PPP2R2B: variants seen among roughly 807,000 people sequenced by gnomAD.
The protein encoded by PPP2R2B is protein phosphatase 2 regulatory subunit Bbeta.
A neutral mutation model predicts 46.0 loss-of-function variants in PPP2R2B; 5 were observed. The observed-to-expected ratio is 0.11, with a 90% CI of 0.06 to 0.23. The LOEUF (loss-of-function observed/expected upper bound fraction) is 0.23. Among genes scored for constraint, PPP2R2B ranks in the 10% least tolerant of loss-of-function variants. The pLI is 1.00. For missense variants in PPP2R2B, 367 were observed against 575.0 expected (o/e 0.64, Z 3.70); for synonymous variants, 215 against 206.7 (o/e 1.04, Z -0.34).
At chr5:147,025,446 C>T (rs552014186) in intron 1 of PPP2R2B, among the ~76,000 whole-genome samples, 88 of 151,376 alleles carry the variant, frequency 5.8e-4, no homozygotes, top group African/African-American at 2.0e-3. Flanking sequence ...GCTAAAGTCA[C>T]GCGAAGACAT....
At chr5:147,052,635 T>TTATC (rs1288656872) in intron 1 of PPP2R2B, among the ~76,000 whole-genome samples, 1 of 152,152 alleles carries the variant, frequency 6.6e-6, no homozygotes, top group African/African-American at 2.4e-5. Context: ...AGGGAGAATT[T>TTATC]TGAGGAACCA....
At chr5:146,748,612 A>G (rs889471016) in intron 2 of PPP2R2B, among the ~76,000 whole-genome samples, 1 of 152,246 alleles carries the variant, frequency 6.6e-6, no homozygotes. Context: ...GGGGTTAAGA[A>G]GAGGTACATC....
At chr5:146,665,449 T>C (rs1309574029) in intron 5 of PPP2R2B, among the ~76,000 whole-genome samples, 1 of 152,244 alleles carries the variant, frequency 6.6e-6, no homozygotes. Flanking sequence ...TCCTCCCCTC[T>C]GTCAGCCTTC....
chr5:146,832,886 C>T (rs1359461741), intron 2 of PPP2R2B, among the ~76,000 whole-genome samples: 1 of 151,908 alleles, frequency 6.6e-6, no homozygotes, highest in African/African-American at 2.4e-5. Context: ...TGTGTAAGTA[C>T]ACTCTGGTGT....
chr5:146,952,068 C>T (rs1016130778), intron 1 of PPP2R2B, among the ~76,000 whole-genome samples: 7 of 150,352 alleles, frequency 4.7e-5, no homozygotes, highest in African/African-American at 1.7e-4. Context: ...ATCTTTGGCA[C>T]TTTTGTAATG....
chr5:146,716,373 C>A (rs1780499383), intron 2 of PPP2R2B, among the ~76,000 whole-genome samples: 1 of 152,150 alleles, frequency 6.6e-6, no homozygotes, highest in Non-Finnish European at 1.5e-5. Flanking sequence ...TCATTAAAGG[C>A]AGAATTCCTA....
chr5:146,800,370 G>T (rs543131059), intron 2 of PPP2R2B, among the ~76,000 whole-genome samples: 1 of 152,152 alleles, frequency 6.6e-6, no homozygotes, highest in African/African-American at 2.4e-5. Flanking sequence ...TGGCATCAAG[G>T]TTAGGGGCAT....
At chr5:146,822,015 T>C (rs1041276676) in intron 2 of PPP2R2B, among the ~76,000 whole-genome samples, 6 of 152,204 alleles carry the variant, frequency 3.9e-5, no homozygotes, top group African/African-American at 1.4e-4. Flanking sequence ...AACTCAGCCT[T>C]TGAGTGTTAT....
intron 5 of PPP2R2B, among the ~76,000 whole-genome samples, chr5:146,685,665 G>A (rs1193382639): frequency 6.6e-6 from 1 of 152,156 alleles, no homozygotes; most frequent in Non-Finnish European, 1.5e-5. Context: ...CTATGGTTGT[G>A]TCCAAATTGC....
At chr5:147,034,215 T>G (rs981330253) in intron 1 of PPP2R2B, among the ~76,000 whole-genome samples, 6 of 152,200 alleles carry the variant, frequency 3.9e-5, no homozygotes, top group Non-Finnish European at 8.8e-5. Flanking sequence ...GGTTTTTGTA[T>G]GGCTGATGAC....
intron 2 of PPP2R2B, among the ~76,000 whole-genome samples, chr5:146,818,016 C>T (rs1454672968): frequency 6.6e-6 from 1 of 152,160 alleles, no homozygotes; most frequent in African/African-American, 2.4e-5. Context: ...GGCAGGGCTG[C>T]CCTATGCCCA....
At chr5:147,021,091 A>C (rs1219688439) in intron 1 of PPP2R2B, among the ~76,000 whole-genome samples, 10 of 152,222 alleles carry the variant, frequency 6.6e-5, no homozygotes, top group Non-Finnish European at 1.5e-4. Context: ...CTGGTACCAG[A>C]CTAGCTCTTC....
At chr5:146,841,622 T>C (rs1759648260) in intron 2 of PPP2R2B, among the ~76,000 whole-genome samples, 1 of 152,198 alleles carries the variant, frequency 6.6e-6, no homozygotes, top group African/African-American at 2.4e-5. Context: ...GATGAGTTCA[T>C]GTCCTTTGCA....
intron 1 of PPP2R2B, among the ~76,000 whole-genome samples, chr5:147,052,443 A>G (rs1756871778): frequency 1.3e-5 from 2 of 152,190 alleles, no homozygotes; most frequent in South Asian, 4.1e-4. Context: ...AAACAGTCAC[A>G]TTGGTTTGCT....
chr5:146,908,433 A>G (rs968371262), intron 1 of PPP2R2B, among the ~76,000 whole-genome samples: 11 of 152,064 alleles, frequency 7.2e-5, no homozygotes, highest in African/African-American at 2.4e-4. Context: ...TTTTCTTTCA[A>G]TATGTATATT....
At chr5:146,791,492 T>C (rs1756201305) in intron 2 of PPP2R2B, among the ~76,000 whole-genome samples, 1 of 152,112 alleles carries the variant, frequency 6.6e-6, no homozygotes, top group South Asian at 2.1e-4. Context: ...GCAACAGTGA[T>C]TGGTTCAGGC....
intron 1 of PPP2R2B, among the ~76,000 whole-genome samples, chr5:146,944,257 AT>A (rs2151831165): frequency 6.6e-6 from 1 of 152,230 alleles, no homozygotes; most frequent in Non-Finnish European, 1.5e-5. Flanking sequence ...AACCATGGCA[AT>A]TGTGTCTCCA....
chr5:146,690,669 G>C (rs1778793836), intron 5 of PPP2R2B, among the ~76,000 whole-genome samples: 2 of 152,172 alleles, frequency 1.3e-5, no homozygotes, highest in South Asian at 4.1e-4. Context: ...AAATTAACTT[G>C]CATGTTGAAA....
intron 2 of PPP2R2B, among the ~76,000 whole-genome samples, chr5:146,829,375 T>C (rs1433890713): frequency 6.6e-6 from 1 of 152,234 alleles, no homozygotes; most frequent in Admixed American, 6.5e-5. Context: ...TGCTTAAGCA[T>C]AGAAATATTA....
Sources: allele counts gnomAD v4.1 joint callset (sites outside exome capture counted in the v4.1 genomes callset), GRCh38; gene constraint gnomAD v4.1.1; transcripts MANE v1.5; gene names NCBI Gene and HGNC (gene_info 2026-07-23, HGNC 2026-07-21).